ALPK1: variants seen among roughly 807,000 people sequenced by gnomAD.
ALPK1 encodes the protein alpha-protein kinase 1.
A neutral mutation model predicts 120.6 loss-of-function variants in ALPK1; 110 were observed. The observed-to-expected ratio is 0.91, with a 90% CI of 0.78 to 1.07. ALPK1 has a LOEUF of 1.07. ALPK1 is among the 50% of genes least tolerant of loss of function. The probability of loss-of-function intolerance (pLI) is 0.00; values close to 1 mark genes in which losing one functional copy is unlikely to be tolerated. For synonymous variants in ALPK1, 582 were observed against 560.3 expected, an observed-to-expected ratio of 1.04 and a Z score of -0.55; for missense variants, 1,498 against 1,483.9, an observed-to-expected ratio of 1.01 and a Z score of -0.16.
chr4:112,324,930 A>T (rs958799851), intron 2 of ALPK1, among the ~76,000 whole-genome samples: 29 of 137,810 alleles, frequency 2.1e-4, no homozygotes, highest in Non-Finnish European at 4.0e-4. Flanking sequence ...AAGCAAATTG[A>T]TTAATTAATG....
intron 2 of ALPK1, chr4:112,357,988 C>T: frequency 1.5e-6 from 1 of 679,278 alleles, no homozygotes; most frequent in Non-Finnish European, 2.7e-6. Context: ...TGGCGGTATG[C>T]CGGGGAAACA....
intron 12 of ALPK1, 142 bp from the exon 13 acceptor site, chr4:112,438,342 T>C (rs920192530): frequency 1.4e-6 from 1 of 734,612 alleles, no homozygotes; most frequent in Non-Finnish European, 2.1e-6. Context: ...TTGAGATAAG[T>C]CAAAATAATT....
chr4:112,305,239 T>G (rs989086267), intron 1 of ALPK1, among the ~76,000 whole-genome samples: 1 of 152,098 alleles, frequency 6.6e-6, no homozygotes, highest in Non-Finnish European at 1.5e-5. Context: ...GTGGGCTCTT[T>G]TTTGGTTCCA....
chr4:112,358,084 G>T, intron 2 of ALPK1: 1 of 584,692 alleles, frequency 1.7e-6, no homozygotes. Flanking sequence ...GGACCCCCTG[G>T]TTGTCCTTAA....
chr4:112,315,110 G>C (rs1201820043), intron 1 of ALPK1, among the ~76,000 whole-genome samples: 1 of 151,934 alleles, frequency 6.6e-6, no homozygotes, highest in Non-Finnish European at 1.5e-5. Flanking sequence ...TTGAACTCTT[G>C]ACCTCACATG....
chr4:112,407,081 TATG>T (rs1419833256), intron 4 of ALPK1, among the ~76,000 whole-genome samples: 1 of 152,194 alleles, frequency 6.6e-6, no homozygotes, highest in Non-Finnish European at 1.5e-5. Context: ...CAGTGACCCT[TATG>T]ATGGAAGAGG....
chr4:112,347,397 C>A (rs938390228), intron 2 of ALPK1, among the ~76,000 whole-genome samples: 1 of 152,186 alleles, frequency 6.6e-6, no homozygotes, highest in African/African-American at 2.4e-5. Context: ...TCCTTGCTAC[C>A]TTCCTCACTG....
At chr4:112,384,908 G>C (rs933125770) in intron 4 of ALPK1, 1 of 152,204 alleles carries the variant, frequency 6.6e-6, no homozygotes, top group African/African-American at 2.4e-5. Flanking sequence ...AAAAGCTGAT[G>C]GTCACTTTAC....
intron 3 of ALPK1, among the ~76,000 whole-genome samples, chr4:112,379,527 T>C (rs1731812049): frequency 6.6e-6 from 1 of 152,164 alleles, no homozygotes. Context: ...GCGGATGGAG[T>C]GCAGCCTGCA....
intron 5 of ALPK1, among the ~76,000 whole-genome samples, chr4:112,422,799 C>A (rs1734057938): frequency 6.6e-6 from 1 of 152,228 alleles, no homozygotes; most frequent in Non-Finnish European, 1.5e-5. Flanking sequence ...AAGAGCCAAG[C>A]AGAGGCCTTG....
chr4:112,440,416 C>G (rs1196048868), intron 14 of ALPK1, among the ~76,000 whole-genome samples: 1 of 151,528 alleles, frequency 6.6e-6, no homozygotes, highest in Non-Finnish European at 1.5e-5. Context: ...TAGAAAATAC[C>G]CTATACTTCA....
rs535727024 is a variant in ALPK1 at position 112,400,988 on chromosome 4, A to G, written c.277-10839A>G. On this transcript the variant is annotated intron_variant, in intron 4 of 15. Coordinates refer to ENST00000650871, the MANE Select transcript of ALPK1 (RefSeq NM_025144.4). ...AGAGCCTGGAAGATCAGCCTCGCTC[A>G]GCCAGAGTGCTCAACTCTGGCTGCT... is the stretch of plus-strand genomic sequence containing the variant. 2.0e-4 allele frequency among the ~76,000 whole-genome samples: 30 copies of G among 152,118 alleles called. No homozygotes were observed. In the East Asian group the frequency reaches 5.8e-3, roughly 30 times the overall value.
intron 2 of ALPK1, among the ~76,000 whole-genome samples, chr4:112,341,153 G>C (rs1021546426): frequency 2.2e-4 from 33 of 152,100 alleles, no homozygotes; most frequent in African/African-American, 4.8e-5. Context: ...AGTTTTGAAG[G>C]GTTTGTCTCT....
chr4:112,307,214 G>A (rs908682323), intron 1 of ALPK1, among the ~76,000 whole-genome samples: 10 of 152,102 alleles, frequency 6.6e-5, no homozygotes, highest in Non-Finnish European at 1.2e-4. Context: ...GTGCTGAGAA[G>A]AATGTATATT....
intron 4 of ALPK1, among the ~76,000 whole-genome samples, chr4:112,386,746 T>A (rs1732170079): frequency 6.6e-6 from 1 of 152,188 alleles, no homozygotes; most frequent in African/African-American, 2.4e-5. Context: ...CATTGTACTG[T>A]GGGAAAAAGA....
rs992355440 is a variant in ALPK1 at position 112,427,728 on chromosome 4, G to T, written c.795+63G>T. The T allele has an allele frequency of 1.3e-4, 158 of 1,176,962 alleles. 7 individuals are homozygous for T. The South Asian group carries it at 2.0e-3, about 15-fold the overall frequency. The allele number at this position is 1,176,962 out of a possible 1,614,324, so 72.9% of individuals were successfully genotyped here. A position where few individuals can be genotyped will look rare whatever the true frequency, so the allele number is the denominator to read the frequency against. ...TTGTCAATCGTGTCCTTGGTGGTTGGTTAGTGGCTGTCTTTCTCAGGAGAT... is the reference window on the plus strand; with the variant it reads ...TTGTCAATCGTGTCCTTGGTGGTTGTTTAGTGGCTGTCTTTCTCAGGAGAT... On this transcript the variant is annotated intron_variant, in intron 9 of 15. Coordinates refer to ENST00000650871, the MANE Select transcript of ALPK1 (RefSeq NM_025144.4).
At chr4:112,334,128 T>C (rs1484337858) in intron 2 of ALPK1, among the ~76,000 whole-genome samples, 1 of 152,108 alleles carries the variant, frequency 6.6e-6, no homozygotes, top group Non-Finnish European at 1.5e-5. Flanking sequence ...ATCACAAATT[T>C]CCTGAAGAAA....
intron 4 of ALPK1, among the ~76,000 whole-genome samples, chr4:112,402,440 T>A (rs1397976742): frequency 6.6e-6 from 1 of 152,242 alleles, no homozygotes; most frequent in Non-Finnish European, 1.5e-5. Flanking sequence ...CAAGAGCCCT[T>A]AGAAAAGGCT....
intron 1 of ALPK1, among the ~76,000 whole-genome samples, chr4:112,314,838 T>G (rs935433156): frequency 5.9e-5 from 9 of 151,414 alleles, no homozygotes; most frequent in African/African-American, 1.9e-4. Flanking sequence ...TATAGGAGAG[T>G]TGAAAAATGT....
Sources: allele counts gnomAD v4.1 joint callset (sites outside exome capture counted in the v4.1 genomes callset), GRCh38; gene constraint gnomAD v4.1.1; transcripts MANE v1.5; gene names NCBI Gene and HGNC (gene_info 2026-07-23, HGNC 2026-07-21).